Variants in TMEM161A observed in about 807,000 individuals in gnomAD.
The protein encoded by TMEM161A is transmembrane protein 161A.
A neutral mutation model predicts 57.1 loss-of-function variants in TMEM161A; 46 were observed. That is an observed-to-expected ratio of 0.81 (90% CI 0.64 to 1.03). TMEM161A has a LOEUF of 1.03. TMEM161A is among the 50% of genes least tolerant of loss of function. TMEM161A has a pLI of 0.00. For synonymous variants in TMEM161A, 288 were observed against 279.0 expected, an observed-to-expected ratio of 1.03 and a Z score of -0.32; for missense variants, 601 against 621.5, an observed-to-expected ratio of 0.97 and a Z score of 0.35.
intron 11 of TMEM161A, 74 bp downstream of exon 11, chr19:19,120,691 C>A: frequency 6.9e-7 from 1 of 1,442,384 alleles, no homozygotes; most frequent in South Asian, 1.2e-5. Flanking sequence ...CCGCGGTCCC[C>A]GCCAGAGTCC....
rs568610205 is a variant in TMEM161A, at chr19:19,121,823, G to A, written c.596-4C>T. On this transcript the variant is annotated splice_region_variant and splice_polypyrimidine_tract_variant and intron_variant, in intron 6 of 11. Coordinates refer to ENST00000162044, the MANE Select transcript of TMEM161A (RefSeq NM_017814.3). The surrounding 1 kb of genome is among the most constrained non-coding windows in gnomAD (Gnocchi z 5.8). ...TTCTGGGTCATGCTGGCCAGACCTG[G>A]GGACGATAAGAAGAGGACCGAGTAG... 1.9e-6 allele frequency: 3 copies of A among 1,613,728 alleles called. No homozygotes were observed. Among genetic ancestry groups the A allele is most frequent in the East Asian group, 4.5e-5 (2 of 44,880 alleles).
chr19:19,122,083 A>G (rs1048748082), intron 6 of TMEM161A, among the ~76,000 whole-genome samples: 1 of 152,176 alleles, frequency 6.6e-6, no homozygotes, highest in Non-Finnish European at 1.5e-5. Flanking sequence ...ATCTGAGATC[A>G]GGAGTTTCAG....
chr19:19,134,207 G>A (rs1261210862), intron 2 of TMEM161A, among the ~76,000 whole-genome samples: 1 of 152,190 alleles, frequency 6.6e-6, no homozygotes, highest in Non-Finnish European at 1.5e-5. Context: ...AAGGAAGGCT[G>A]GGTTACAGGG....
chr19:19,125,038 T>C (rs1023128475), intron 6 of TMEM161A, among the ~76,000 whole-genome samples: 17 of 152,218 alleles, frequency 1.1e-4, no homozygotes, highest in African/African-American at 4.1e-4. Context: ...ATGCTATATA[T>C]GCTATAAAAT....
chr19:19,128,533 A>ATTTTT (rs755755153), intron 6 of TMEM161A, among the ~76,000 whole-genome samples: 32 of 110,544 alleles, frequency 2.9e-4, no homozygotes, highest in Non-Finnish European at 4.3e-4. Flanking sequence ...CCTGGCCTAC[A>ATTTTT]TTTTTTTTTT....
chr19:19,126,335 G>A (rs960654423), intron 6 of TMEM161A, among the ~76,000 whole-genome samples: 3 of 152,128 alleles, frequency 2.0e-5, no homozygotes, highest in African/African-American at 7.2e-5. Flanking sequence ...GTATGCAGAC[G>A]GAAAATAATG....
In TMEM161A at chr19:19,119,825, G is replaced by GC; in HGVS notation, c.*104dup. ...GGTGAAGGGAACGCCGGGGAGTCCG[G>GC]CCCCACCTTGCAGCTGGGGACACGG... On this transcript the variant is annotated 3_prime_UTR_variant, in exon 12 of 12. Coordinates refer to ENST00000162044, the MANE Select transcript of TMEM161A (RefSeq NM_017814.3). 1 of 1,400,648 alleles carries GC rather than the reference G, an allele frequency of 7.1e-7. No individual in the cohort carries two copies. Among genetic ancestry groups the GC allele is most frequent in the South Asian group, 1.4e-5 (1 of 72,058 alleles). 86.8% of individuals were successfully genotyped at this position (1,400,648 alleles called of 1,614,324 possible).
In TMEM161A at chr19:19,121,862, G is replaced by T; in HGVS notation, c.596-43C>A. 1 of 1,606,694 alleles carries T rather than the reference G, an allele frequency of 6.2e-7. No individual in the cohort carries two copies. Among genetic ancestry groups the T allele is most frequent in the Non-Finnish European group, 8.5e-7 (1 of 1,175,858 alleles). ...AGGACCGAGTAGAGTGAATTCCTAG[G>T]GTCTCTAAGGCCACTCTGTTCCCTA... is the stretch of plus-strand genomic sequence containing the variant. On this transcript the variant is annotated intron_variant, in intron 6 of 11. Coordinates refer to ENST00000162044, the MANE Select transcript of TMEM161A (RefSeq NM_017814.3). The surrounding 1 kb of genome is among the most constrained non-coding windows in gnomAD (Gnocchi z 5.8).
rs772353830 is a variant in TMEM161A, at chr19:19,134,886, G to C, written c.5C>G (p.Ala2Gly). The change falls in exon 2 of 12, where the codon GCG becomes GGG. Residue 2 changes from alanine (A) to glycine (G), a missense_variant and splice_region_variant. Ala to Gly is a moderately conservative substitution (Grantham distance 60, BLOSUM62 0). Coordinates refer to ENST00000162044, the MANE Select transcript of TMEM161A (RefSeq NM_017814.3). The part of the protein sequence containing the change: M[A>G]VLGVQLVVTL... ...CACCACCAGCTGTACTCCGAGGACC[G>C]CCTGGGGGGAGGGGACATGACTGGC... 7 of 1,582,180 alleles carry C rather than the reference G, an allele frequency of 4.4e-6. No individual in the cohort carries two copies. The highest frequency in any genetic ancestry group is 6.0e-6 in the Non-Finnish European group (7 of 1,164,088).
intron 5 of TMEM161A, chr19:19,130,560 C>T (rs1445186291): frequency 2.5e-5 from 13 of 512,190 alleles, no homozygotes; most frequent in African/African-American, 1.9e-4. Flanking sequence ...GTGACCCTGC[C>T]TCTTTCACCC....
At chr19:19,130,482 C>G in intron 5 of TMEM161A, 175 bp from the exon 6 acceptor site, 1 of 723,580 alleles carries the variant, frequency 1.4e-6, no homozygotes, top group East Asian at 2.7e-5. Flanking sequence ...AGGATGTGGG[C>G]TGGGGGTTCC....
Position 19,121,122 on chromosome 19 carries a change from A to G in TMEM161A, c.959T>C (p.Val320Ala). 6.2e-6 allele frequency: 10 copies of G among 1,611,244 alleles called. No homozygotes were observed. The highest frequency in any genetic ancestry group is 8.5e-6 in the Non-Finnish European group (10 of 1,179,134). ...AFDSGRLWLL[V>A]VLCLLRLAVT... is the part of the protein sequence containing the mutation. The stretch of plus-strand genomic sequence containing the variant: ...CGCCAGCCGCAGCAGGCACAGCACC[A>G]CCAGCAACCAGAGGCGCCCAGAGTC... Residue 320 changes from valine to alanine, a missense_variant, in exon 10 of 12, where the codon GTG (valine) becomes GCG (alanine). Coordinates refer to ENST00000162044, the MANE Select transcript of TMEM161A (RefSeq NM_017814.3). The surrounding 1 kb of genome is among the most constrained non-coding windows in gnomAD (Gnocchi z 5.8).
intron 2 of TMEM161A, among the ~76,000 whole-genome samples, chr19:19,133,653 C>A (rs1174113312): frequency 6.6e-6 from 1 of 151,864 alleles, no homozygotes; most frequent in Non-Finnish European, 1.5e-5. Context: ...TGTATTTTTA[C>A]CAGAGACAGG....
rs779030867 is a variant in TMEM161A at position 19,132,692 on chromosome 19, A to G, written c.251T>C (p.Leu84Pro). ...CACGGTCGTGAGGGGGCAGGTCTCC[A>G]GCTGGAACGGGGCATCTCGGGGCAC... ...LSVPRDAPFQLETCPLTTVDA... is the reference protein window; with the variant it reads ...LSVPRDAPFQPETCPLTTVDA... The change falls in exon 4 of 12, where the codon CTG (leucine) becomes CCG (proline). Residue 84 changes from leucine to proline, a missense_variant. By Grantham distance (98) the Leu-to-Pro change is moderately conservative. Coordinates refer to ENST00000162044, the MANE Select transcript of TMEM161A (RefSeq NM_017814.3). This position sits in a 1 kb window ranked among gnomAD's most constrained non-coding sequence, Gnocchi z 4.3. 4.8e-5 allele frequency: 76 copies of G among 1,581,166 alleles called. No homozygotes were observed. Among genetic ancestry groups the G allele is most frequent in the Non-Finnish European group, 3.4e-6 (4 of 1,163,164 alleles).
chr19:19,120,319 C>G (rs1447897862), intron 11 of TMEM161A, 136 bp from the exon 12 acceptor site: 1 of 808,720 alleles, frequency 1.2e-6, no homozygotes, highest in Non-Finnish European at 1.9e-6. Flanking sequence ...AGCCCAGTCT[C>G]CACCCCCTCA....
chr19:19,132,673 C>G lies in TMEM161A; in HGVS notation c.270G>C (p.Thr90=). 3 of 1,574,868 alleles carry G rather than the reference C, an allele frequency of 1.9e-6. No homozygotes were observed. Among genetic ancestry groups the G allele is most frequent in the Non-Finnish European group, 2.6e-6 (3 of 1,159,614 alleles). ...GGCTATTACCCAGGGCATCCACGGTCGTGAGGGGGCAGGTCTCCAGCTGGA... is the reference window on the plus strand; with the variant it reads ...GGCTATTACCCAGGGCATCCACGGTGGTGAGGGGGCAGGTCTCCAGCTGGA... The part of the protein sequence containing the change: ...APFQLETCPL[T]TVDALVLRFF... The change falls in exon 4 of 12, where the codon ACG becomes ACC. Residue 90 remains threonine (T), a synonymous_variant. Coordinates refer to ENST00000162044, the MANE Select transcript of TMEM161A (RefSeq NM_017814.3). The surrounding 1 kb of genome is among the most constrained non-coding windows in gnomAD (Gnocchi z 4.3).
intron 6 of TMEM161A, among the ~76,000 whole-genome samples, chr19:19,123,409 G>T (rs924446069): frequency 4.6e-5 from 7 of 152,174 alleles, no homozygotes; most frequent in African/African-American, 7.2e-5. Context: ...TTACAAAGCA[G>T]CCAGGGAGTT....
At chr19:19,126,495 G>T (rs1055896981) in intron 6 of TMEM161A, among the ~76,000 whole-genome samples, 1 of 152,172 alleles carries the variant, frequency 6.6e-6, no homozygotes, top group Non-Finnish European at 1.5e-5. Flanking sequence ...GAAGGCCGAG[G>T]CTGGCGATTG....
intron 1 of TMEM161A, among the ~76,000 whole-genome samples, chr19:19,138,045 C>G (rs2059992112): frequency 1.3e-5 from 2 of 151,764 alleles, no homozygotes; most frequent in Admixed American, 6.6e-5. Context: ...CTGCAGGACC[C>G]CCGTCCCCAG....
Sources: gnomAD v4.1 joint callset for allele counts (sites outside exome capture counted in the v4.1 genomes callset) on GRCh38, gnomAD v4.1.1 for gene constraint, Gnocchi (gnomAD v3.1) non-coding constraint, MANE v1.5 for transcripts, NCBI Gene and HGNC (gene_info 2026-07-23, HGNC 2026-07-21) for gene names.